The following ARHGEF3 variants were observed in gnomAD, a reference collection of about 807,000 sequenced individuals.
ARHGEF3 encodes Rho guanine nucleotide exchange factor 3, also known as 59.8 kDA protein.
ARHGEF3 carries 28 observed loss-of-function variants against 63.2 expected under a neutral mutation model. That is an observed-to-expected ratio of 0.44 (90% CI 0.33 to 0.61). The LOEUF is 0.61. ARHGEF3 is among the 20% of genes least tolerant of loss of function. The probability of loss-of-function intolerance (pLI) is 0.03; values close to 1 mark genes in which losing one functional copy is unlikely to be tolerated. For synonymous variants in ARHGEF3, 266 were observed against 254.2 expected, an observed-to-expected ratio of 1.05 and a Z score of -0.44; for missense variants, 533 against 659.3, an observed-to-expected ratio of 0.81 and a Z score of 2.10.
At chr3:56,748,817 G>T (rs926972059) in intron 6 of ARHGEF3, among the ~76,000 whole-genome samples, 1 of 152,134 alleles carries the variant, frequency 6.6e-6, no homozygotes, top group African/African-American at 2.4e-5. Context: ...CAACCACTCT[G>T]TTTAAGGTCT....
In ARHGEF3 at chr3:56,732,479, A is replaced by G; in HGVS notation, c.1042-55T>C. On this transcript the variant is annotated intron_variant, in intron 8 of 9. Transcript: ENST00000296315. The stretch of plus-strand genomic sequence containing the variant: ...TAAGCAATAATGTAATGAGTGGTTG[A>G]TATGTGGACCTCTGTGGATAAAGAG... 1.9e-6 allele frequency: 3 copies of G among 1,591,404 alleles called. No homozygotes were observed. In the South Asian group the frequency reaches 3.3e-5, roughly 18 times the overall value.
At chr3:56,917,432 A>C (rs1447437793) in intron 3 of ARHGEF3, among the ~76,000 whole-genome samples, 1 of 152,198 alleles carries the variant, frequency 6.6e-6, no homozygotes, top group Non-Finnish European at 1.5e-5. Flanking sequence ...GATTTTTAAG[A>C]GCCTTCCTCT....
chr3:56,943,456 C>T (rs1423740133), intron 3 of ARHGEF3, among the ~76,000 whole-genome samples: 1 of 152,178 alleles, frequency 6.6e-6, no homozygotes, highest in Non-Finnish European at 1.5e-5. Flanking sequence ...AAAAAGATTA[C>T]TTTTAAAATA....
At chr3:56,746,111 T>C (rs969935174) in intron 6 of ARHGEF3, among the ~76,000 whole-genome samples, 1 of 152,246 alleles carries the variant, frequency 6.6e-6, no homozygotes, top group East Asian at 1.9e-4. Flanking sequence ...AAAAGGCTTC[T>C]CATCCACTTT....
intron 4 of ARHGEF3, among the ~76,000 whole-genome samples, chr3:56,876,169 C>G (rs2040580147): frequency 6.6e-6 from 1 of 152,116 alleles, no homozygotes; most frequent in African/African-American, 2.4e-5. Flanking sequence ...AGAAAACCAG[C>G]ATGGTTGGCC....
intron 3 of ARHGEF3, among the ~76,000 whole-genome samples, chr3:56,945,942 C>T (rs768755400): frequency 3.3e-5 from 5 of 152,178 alleles, no homozygotes; most frequent in South Asian, 2.1e-4. Flanking sequence ...TCCAGAGGAA[C>T]GATCAGGCAG....
intron 1 of ARHGEF3, chr3:57,074,548 A>C: frequency 2.4e-6 from 1 of 411,062 alleles, no homozygotes; most frequent in Non-Finnish European, 4.5e-6. Flanking sequence ...ACTGTATTAA[A>C]TGACATCAAT....
At chr3:56,928,545 T>C (rs1281252773) in intron 3 of ARHGEF3, among the ~76,000 whole-genome samples, 3 of 152,202 alleles carry the variant, frequency 2.0e-5, no homozygotes, top group Non-Finnish European at 2.9e-5. Context: ...AGTAGGGCCA[T>C]GGTGCAAACT....
intron 2 of ARHGEF3, among the ~76,000 whole-genome samples, chr3:57,014,496 T>C (rs909555467): frequency 1.3e-5 from 2 of 152,164 alleles, no homozygotes; most frequent in Non-Finnish European, 2.9e-5. Context: ...TTACTGTGCA[T>C]ATGCGTACCA....
chr3:56,787,830 T>C (rs1045282478), intron 1 of ARHGEF3, among the ~76,000 whole-genome samples: 2 of 152,190 alleles, frequency 1.3e-5, no homozygotes, highest in Non-Finnish European at 2.9e-5. Context: ...GTGCTATTAA[T>C]ATACCCATTT....
intron 2 of ARHGEF3, among the ~76,000 whole-genome samples, chr3:56,766,652 C>T (rs996176150): frequency 2.0e-4 from 30 of 152,152 alleles, no homozygotes; most frequent in African/African-American, 4.6e-4. Flanking sequence ...CAAGGGACCC[C>T]TGGGAAGAGC....
At chr3:56,740,461 CA>C (rs2033942534) in intron 7 of ARHGEF3, among the ~76,000 whole-genome samples, 1 of 152,004 alleles carries the variant, frequency 6.6e-6, no homozygotes, top group Non-Finnish European at 1.5e-5. Flanking sequence ...TCTTGGTTTT[CA>C]AAAATGAATG....
chr3:56,798,901 A>C (rs944433749), intron 1 of ARHGEF3, among the ~76,000 whole-genome samples: 6 of 152,238 alleles, frequency 3.9e-5, no homozygotes, highest in Non-Finnish European at 2.9e-5. Flanking sequence ...TATTAAAATT[A>C]AACATTTGCC....
intron 4 of ARHGEF3, among the ~76,000 whole-genome samples, chr3:56,880,066 T>C (rs1156778256): frequency 6.6e-6 from 1 of 152,200 alleles, no homozygotes; most frequent in Non-Finnish European, 1.5e-5. Context: ...GTTTTCATGT[T>C]CCTCCAACAG....
chr3:56,985,373 G>A (rs547987895), intron 2 of ARHGEF3, among the ~76,000 whole-genome samples: 1 of 152,370 alleles, frequency 6.6e-6, no homozygotes, highest in Admixed American at 6.5e-5. Context: ...GCAGGCGTGA[G>A]CCACCGCGCC....
chr3:56,847,695 G>A (rs75369115), intron 4 of ARHGEF3, among the ~76,000 whole-genome samples: 7 of 151,982 alleles, frequency 4.6e-5, no homozygotes, highest in Middle Eastern at 3.2e-3. Context: ...CTCCTGCCTC[G>A]GCCTCCCGAG....
intron 9 of ARHGEF3, among the ~76,000 whole-genome samples, chr3:56,731,053 C>T (rs971243911): frequency 6.6e-6 from 1 of 152,194 alleles, no homozygotes; most frequent in South Asian, 2.1e-4. Context: ...AATGCTTATA[C>T]AATGCCTGGC....
At position 56,827,944 on chromosome 3, in the gene ARHGEF3, C is replaced by CAAAAA. The variant is rs11462683; in HGVS notation, c.193-54133_193-54129dup. Among the ~76,000 whole-genome samples the CAAAAA allele has an allele frequency of 8.6e-4, 29 of 33,808 alleles. 2 individuals are homozygous for CAAAAA. The highest frequency in any genetic ancestry group is 1.4e-3 in the African/African-American group (10 of 7,084). 22.2% of individuals were successfully genotyped at this position (33,808 alleles called of 152,430 possible). On this transcript the variant is annotated intron_variant, in intron 4 of 12. Transcript: ENST00000338458. ...TGGGTGACAACATGAGATTCTGTCT[C>CAAAAA]AAAAAAAAAAAAAAAAAAAAAAAAA...
At chr3:56,867,027 T>C (rs1184505956) in intron 4 of ARHGEF3, among the ~76,000 whole-genome samples, 1 of 152,264 alleles carries the variant, frequency 6.6e-6, no homozygotes, top group African/African-American at 2.4e-5. Flanking sequence ...CCTGGTATTA[T>C]TTTTACCTAT....
Sources: allele counts gnomAD v4.1 joint callset (sites outside exome capture counted in the v4.1 genomes callset), GRCh38; gene constraint gnomAD v4.1.1; transcripts MANE v1.5; gene names NCBI Gene and HGNC (gene_info 2026-07-23, HGNC 2026-07-21).